DEPDC1: variants seen among roughly 807,000 people sequenced by gnomAD.
DEPDC1 encodes the protein DEP domain containing 1.
In DEPDC1, 66 loss-of-function variants were observed where a neutral mutation model predicts 86.8. The ratio of observed to expected loss-of-function variants is 0.76; its 90% CI spans 0.62 to 0.93. DEPDC1 has a LOEUF of 0.93. Among genes scored for constraint, DEPDC1 ranks in the 40% least tolerant of loss-of-function variants. The pLI, the probability that DEPDC1 is intolerant of heterozygous loss-of-function variation, is 0.00. For missense variants in DEPDC1, 792 were observed against 935.7 expected, an observed-to-expected ratio of 0.85 and a Z score of 2.00; for synonymous variants, 255 against 314.9, an observed-to-expected ratio of 0.81 and a Z score of 2.02.
Position 68,497,077 on chromosome 1 carries a change from C to A in DEPDC1, c.-78G>T. ...CAGCGGCCGCGGCAGTGGCGAGTCTCGGCACAACCGTTGGCCCCGCCGCCG... is the reference window on the plus strand; with the variant it reads ...CAGCGGCCGCGGCAGTGGCGAGTCTAGGCACAACCGTTGGCCCCGCCGCCG... On this transcript the variant is annotated 5_prime_UTR_variant, in exon 1 of 12. Coordinates refer to ENST00000456315, the MANE Select transcript of DEPDC1 (RefSeq NM_001114120.3). The A allele has an allele frequency of 6.6e-7, 1 of 1,513,720 alleles. No homozygotes were observed. Among genetic ancestry groups the A allele is most frequent in the Non-Finnish European group, 9.1e-7 (1 of 1,096,510 alleles). 93.8% of individuals were successfully genotyped at this position (1,513,720 alleles called of 1,614,324 possible).
intron 2 of DEPDC1, among the ~76,000 whole-genome samples, 176 bp downstream of exon 2, chr1:68,494,254 C>T (rs1044468690): frequency 1.3e-5 from 2 of 152,132 alleles, no homozygotes; most frequent in African/African-American, 4.8e-5. Flanking sequence ...AATTTTGTAG[C>T]AATTAACTTT....
chr1:68,475,410 A>T lies in DEPDC1; in HGVS notation c.*1522T>A, dbSNP rs1479999790. Reference sequence around the variant, plus strand: ...AAACAATAAACGTTTTAGTATTCAAATGCCTTAGAAAGAATTCATTTTGGT... The same window carrying T: ...AAACAATAAACGTTTTAGTATTCAATTGCCTTAGAAAGAATTCATTTTGGT... On this transcript the variant is annotated 3_prime_UTR_variant, in exon 12 of 12. Coordinates refer to ENST00000456315, the MANE Select transcript of DEPDC1 (RefSeq NM_001114120.3). 2.6e-5 allele frequency: 4 copies of T among 151,900 alleles called. No homozygotes were observed. Among genetic ancestry groups the T allele is most frequent in the Admixed American group, 2.6e-4 (4 of 15,226 alleles). The allele number at this position is 151,900 out of a possible 1,614,324, so 9.4% of individuals were successfully genotyped here.
chr1:68,481,838 A>G lies in DEPDC1; in HGVS notation c.1762+208T>C, dbSNP rs1646158141. 5.0e-6 allele frequency: 3 copies of G among 605,586 alleles called. No homozygotes were observed. In the South Asian group the frequency reaches 1.2e-4, roughly 24 times the overall value. The allele number at this position is 605,586 out of a possible 1,614,324, so 37.5% of individuals were successfully genotyped here. A position where few individuals can be genotyped will look rare whatever the true frequency, so the allele number is the denominator to read the frequency against. On this transcript the variant is annotated intron_variant, in intron 8 of 11. Transcript: ENST00000456315. Reference sequence around the variant, plus strand: ...TCACTTATTACAAATAAAGTGACTCAGAATAAATGAAATTGCAAAAAAGAA... The same window carrying G: ...TCACTTATTACAAATAAAGTGACTCGGAATAAATGAAATTGCAAAAAAGAA...
chr1:68,496,344 T>G lies in DEPDC1; in HGVS notation c.48+608A>C, dbSNP rs1037412858. On this transcript the variant is annotated intron_variant, in intron 1 of 11. Transcript: ENST00000456315. The surrounding 1 kb of genome is among the most constrained non-coding windows in gnomAD (Gnocchi z 4.0). ...ACATAACCAGCACCACAGTATCCTA[T>G]AGAACCGAAGACCCAACTGCACAAA... is the stretch of plus-strand genomic sequence containing the variant. 6.6e-5 allele frequency among the ~76,000 whole-genome samples: 10 copies of G among 152,124 alleles called. No homozygotes were observed. Among genetic ancestry groups the G allele is most frequent in the African/African-American group, 2.4e-4 (10 of 41,420 alleles).
At chr1:68,486,876 AATATAACAC>A (rs1489466935) in intron 6 of DEPDC1, 52 bp downstream of exon 6, 22 of 1,310,924 alleles carry the variant, frequency 1.7e-5, no homozygotes, top group South Asian at 4.9e-5. Context: ...AAATACTATC[AATATAACAC>A]ACACACACAC....
At chr1:68,490,436 T>G (rs1052983080) in intron 2 of DEPDC1, among the ~76,000 whole-genome samples, 1 of 152,190 alleles carries the variant, frequency 6.6e-6, no homozygotes, top group Non-Finnish European at 1.5e-5. Flanking sequence ...CATGAACTCA[T>G]TCTTTTTTAT....
Position 68,477,819 on chromosome 1 carries a change from G to A in DEPDC1, c.2266C>T (p.Pro756Ser). ...AGTTTTTTTCTTTTCTCCTTTAGAG[G>A]TAAACTCCTGTTTTTAATAATATTT... is the stretch of plus-strand genomic sequence containing the variant. ...LENIIKNRSL[P>S]LKEKRKKLKQ... Residue 756 changes from proline (P) to serine (S), a missense_variant, in exon 11 of 12, where the codon CCT becomes TCT. Physicochemically the swap from Pro to Ser is moderately conservative, Grantham distance 74. Coordinates refer to ENST00000456315, the MANE Select transcript of DEPDC1 (RefSeq NM_001114120.3). 6.5e-7 allele frequency: 1 copy of A among 1,544,944 alleles called. No homozygotes were observed. The highest frequency in any genetic ancestry group is 8.7e-7 in the Non-Finnish European group (1 of 1,145,578).
chr1:68,487,604 A>G (rs115070538), intron 5 of DEPDC1, among the ~76,000 whole-genome samples: 1,636 of 152,080 alleles, frequency 0.011, 26 homozygotes, highest in African/African-American at 0.038. Flanking sequence ...AGCCACATAC[A>G]TATGCCACAT....
Position 68,481,616 on chromosome 1 carries a change from G to A in DEPDC1, c.1763-4C>T, listed in dbSNP as rs1293061309. The A allele has an allele frequency of 6.6e-7, 1 of 1,516,048 alleles. No individual in the cohort carries two copies. The highest frequency in any genetic ancestry group is 2.0e-5 in the Admixed American group (1 of 49,816). 93.9% of individuals were successfully genotyped at this position (1,516,048 alleles called of 1,614,324 possible). A position where few individuals can be genotyped will look rare whatever the true frequency, so the allele number is the denominator to read the frequency against. On this transcript the variant is annotated splice_region_variant and splice_polypyrimidine_tract_variant and intron_variant, in intron 8 of 11. Coordinates refer to ENST00000456315, the MANE Select transcript of DEPDC1 (RefSeq NM_001114120.3). Reference sequence around the variant, plus strand: ...TCTAAATGAGGTTGCAGCAAGCCTAGAATACAAAAATACCCCCCCAAAAAT... The same window carrying A: ...TCTAAATGAGGTTGCAGCAAGCCTAAAATACAAAAATACCCCCCCAAAAAT...
Position 68,477,773 on chromosome 1 carries a change from G to C in DEPDC1, c.2298+14C>G. 6.9e-7 allele frequency: 1 copy of C among 1,445,718 alleles called. No individual in the cohort carries two copies. Among genetic ancestry groups the C allele is most frequent in the Non-Finnish European group, 9.3e-7 (1 of 1,077,798 alleles). The allele number at this position is 1,445,718 out of a possible 1,614,324, so 89.6% of individuals were successfully genotyped here. A position where few individuals can be genotyped will look rare whatever the true frequency, so the allele number is the denominator to read the frequency against. On this transcript the variant is annotated intron_variant, in intron 11 of 11. Transcript: ENST00000456315. ...AAAATGTTTACATGATTGAGAACTT[G>C]CTCATTCTCTTACCTGTTTTAGTTT...
chr1:68,489,147 A>C, intron 3 of DEPDC1, 113 bp from the exon 4 acceptor site: 1 of 712,030 alleles, frequency 1.4e-6, no homozygotes, highest in Non-Finnish European at 2.4e-6. Context: ...GTATCTCCCA[A>C]AGAAATAATG....
intron 10 of DEPDC1, 82 bp from the exon 11 acceptor site, chr1:68,478,054 A>G: frequency 2.0e-6 from 2 of 996,796 alleles, no homozygotes; most frequent in Non-Finnish European, 2.8e-6. Flanking sequence ...GGGATCTAGC[A>G]CCTATTAATT....
At chr1:68,488,135 T>G (rs530636872) in intron 5 of DEPDC1, among the ~76,000 whole-genome samples, 1 of 151,976 alleles carries the variant, frequency 6.6e-6, no homozygotes, top group South Asian at 2.1e-4. Flanking sequence ...ATGCTTAACT[T>G]TGTCATTTTT....
At chr1:68,482,946 C>A in intron 7 of DEPDC1, 49 bp from the exon 8 acceptor site, 1 of 1,509,792 alleles carries the variant, frequency 6.6e-7, no homozygotes, top group Non-Finnish European at 8.8e-7. Flanking sequence ...TGACAGTGGA[C>A]AAAAATAAAA....
At chr1:68,478,299 T>G (rs1286156923) in intron 10 of DEPDC1, among the ~76,000 whole-genome samples, 1 of 152,002 alleles carries the variant, frequency 6.6e-6, no homozygotes, top group East Asian at 1.9e-4. Flanking sequence ...TTATAATTAT[T>G]ACCATTAACT....
chr1:68,490,100 T>G (rs1234434848), intron 2 of DEPDC1, among the ~76,000 whole-genome samples: 7 of 152,182 alleles, frequency 4.6e-5, no homozygotes, highest in Non-Finnish European at 8.8e-5. Flanking sequence ...TGTTGACATT[T>G]TGCCAGACTT....
chr1:68,481,929 T>C lies in DEPDC1; in HGVS notation c.1762+117A>G, dbSNP rs1411377371. On this transcript the variant is annotated intron_variant, in intron 8 of 11. Transcript: ENST00000456315. ...CACAGACAAAAGTCTTTTTAAATAA[T>C]TCCTCTTGGAGGAAAAAAAATTAAG... 3 of 1,048,466 alleles carry C rather than the reference T, an allele frequency of 2.9e-6. No individual in the cohort carries two copies. The South Asian group carries it at 6.5e-5, about 23-fold the overall frequency. The allele number at this position is 1,048,466 out of a possible 1,614,324, so 64.9% of individuals were successfully genotyped here. A position where few individuals can be genotyped will look rare whatever the true frequency, so the allele number is the denominator to read the frequency against.
chr1:68,482,670 T>C lies in DEPDC1; in HGVS notation c.1138A>G (p.Met380Val). The C allele has an allele frequency of 6.2e-7, 1 of 1,612,618 alleles. No individual in the cohort carries two copies. The highest frequency in any genetic ancestry group is 8.5e-7 in the Non-Finnish European group (1 of 1,179,232). The change falls in exon 8 of 12, where the codon ATG becomes GTG. Residue 380 changes from methionine to valine, a missense_variant. Transcript: ENST00000456315. ...CTGTTTCTTAAATTAACTAGCTGCATTTTCTTAGCACATCTTTCTTGAAAT... is the reference window on the plus strand; with the variant it reads ...CTGTTTCTTAAATTAACTAGCTGCACTTTCTTAGCACATCTTTCTTGAAAT... The part of the protein sequence containing the change: ...PGFQERCAKK[M>V]QLVNLRNRRV...
At position 68,484,075 on chromosome 1, in the gene DEPDC1, T is replaced by A; in HGVS notation, c.785A>T (p.Asp262Val). 1.9e-6 allele frequency: 3 copies of A among 1,571,302 alleles called. No homozygotes were observed. The East Asian group carries it at 7.0e-5, about 36-fold the overall frequency. The change falls in exon 7 of 12, where the codon GAT becomes GTT. Residue 262 changes from aspartate to valine, a missense_variant. Physicochemically the swap from Asp to Val is radical, Grantham distance 152 (BLOSUM62 -3). Coordinates refer to ENST00000456315, the MANE Select transcript of DEPDC1 (RefSeq NM_001114120.3). ...TCCAACATAAGTTGGATTATTCATA[T>A]CATTGCTTCTTGGCCCTAAGAAGTA... ...KCLANWPRSN[D>V]MNNPTYVGFE... is the part of the protein sequence containing the mutation.
Sources: allele counts gnomAD v4.1 joint callset (sites outside exome capture counted in the v4.1 genomes callset), GRCh38; gene constraint gnomAD v4.1.1; non-coding constraint Gnocchi (gnomAD v3.1); transcripts MANE v1.5; gene names NCBI Gene and HGNC (gene_info 2026-07-23, HGNC 2026-07-21).